The following CAMK1D variants were observed in gnomAD, a reference collection of about 807,000 sequenced individuals.
CAMK1D encodes calcium/calmodulin dependent protein kinase ID.
A neutral mutation model predicts 47.7 loss-of-function variants in CAMK1D; 9 were observed. The observed-to-expected ratio is 0.19, with a 90% CI of 0.11 to 0.33. CAMK1D has a LOEUF of 0.33. Among genes scored for constraint, CAMK1D ranks in the 10% least tolerant of loss-of-function variants. CAMK1D has a pLI of 1.00. For missense variants in CAMK1D, 291 were observed against 488.7 expected, an observed-to-expected ratio of 0.60 and a Z score of 3.81; for synonymous variants, 184 against 184.9, an observed-to-expected ratio of 0.99 and a Z score of 0.04.
intron 1 of CAMK1D, among the ~76,000 whole-genome samples, chr10:12,392,593 C>G (rs890495448): frequency 2.0e-4 from 30 of 152,102 alleles, no homozygotes; most frequent in Non-Finnish European, 1.0e-4. Flanking sequence ...TACGTATACA[C>G]TGTGGAATGA....
chr10:12,469,684 G>A (rs1833691908), intron 1 of CAMK1D, among the ~76,000 whole-genome samples: 2 of 152,150 alleles, frequency 1.3e-5, no homozygotes, highest in South Asian at 2.1e-4. Flanking sequence ...TATTTCATAA[G>A]CTTTTAAGAA....
intron 2 of CAMK1D, among the ~76,000 whole-genome samples, chr10:12,598,300 G>A (rs1371589640): frequency 6.6e-6 from 1 of 152,210 alleles, no homozygotes; most frequent in Admixed American, 6.5e-5. Context: ...CGTGCGATTA[G>A]GTGTGGGTTC....
chr10:12,515,197 A>T (rs181065083), intron 1 of CAMK1D, among the ~76,000 whole-genome samples: 1 of 151,852 alleles, frequency 6.6e-6, no homozygotes, highest in Non-Finnish European at 1.5e-5. Flanking sequence ...TTAAATTTAT[A>T]TGCAGTAAAA....
At chr10:12,506,900 T>C (rs1834894475) in intron 1 of CAMK1D, among the ~76,000 whole-genome samples, 1 of 152,190 alleles carries the variant, frequency 6.6e-6, no homozygotes, top group African/African-American at 2.4e-5. Flanking sequence ...ATCATGTCCT[T>C]AGTTCCTAGC....
At chr10:12,435,221 C>CAAAAAAAAAAA (rs910066372) in intron 1 of CAMK1D, among the ~76,000 whole-genome samples, 4 of 44,026 alleles carry the variant, frequency 9.1e-5, no homozygotes, top group Non-Finnish European at 8.2e-5. Context: ...AACTCTGTCT[C>CAAAAAAAAAAA]AAAAAAAAAA....
At chr10:12,744,572 A>G (rs1199629861) in intron 3 of CAMK1D, among the ~76,000 whole-genome samples, 1 of 152,116 alleles carries the variant, frequency 6.6e-6, no homozygotes. Context: ...TTTAAAAAAC[A>G]CACTGGCAAC....
intron 2 of CAMK1D, among the ~76,000 whole-genome samples, chr10:12,640,991 C>T (rs986169721): frequency 1.3e-5 from 2 of 152,198 alleles, no homozygotes; most frequent in South Asian, 4.1e-4. Flanking sequence ...CAGAATCCCA[C>T]CTTGTTGCCC....
chr10:12,365,882 G>A (rs941147985), intron 1 of CAMK1D, among the ~76,000 whole-genome samples: 17 of 152,108 alleles, frequency 1.1e-4, no homozygotes, highest in Non-Finnish European at 1.8e-4. Flanking sequence ...GTGAAACCCT[G>A]CCTCTACTAA....
At chr10:12,618,772 C>T (rs1365861752) in intron 2 of CAMK1D, among the ~76,000 whole-genome samples, 1 of 152,062 alleles carries the variant, frequency 6.6e-6, no homozygotes, top group African/African-American at 2.4e-5. Flanking sequence ...AAGAAGGCAA[C>T]AAAAAGAGAA....
intron 1 of CAMK1D, among the ~76,000 whole-genome samples, chr10:12,488,925 C>T (rs1834296735): frequency 6.6e-6 from 1 of 152,152 alleles, no homozygotes; most frequent in African/African-American, 2.4e-5. Context: ...TGCTGTGCAG[C>T]CTTTTATTTA....
At chr10:12,436,605 T>A (rs1832640365) in intron 1 of CAMK1D, among the ~76,000 whole-genome samples, 1 of 152,158 alleles carries the variant, frequency 6.6e-6, no homozygotes. Context: ...AGCCTGACAT[T>A]CTAATCTCAT....
chr10:12,452,180 C>A (rs1344393194), intron 1 of CAMK1D, among the ~76,000 whole-genome samples: 1 of 152,042 alleles, frequency 6.6e-6, no homozygotes, highest in African/African-American at 2.4e-5. Context: ...CGACAATGAC[C>A]TTTGTTCACA....
chr10:12,355,602 G>A (rs904421918), intron 1 of CAMK1D, among the ~76,000 whole-genome samples: 2 of 152,038 alleles, frequency 1.3e-5, no homozygotes, highest in Non-Finnish European at 2.9e-5. Flanking sequence ...TTGAGAGTCC[G>A]TGAGAAGCAT....
rs1356637548 is a variant in CAMK1D at position 12,693,990 on chromosome 10, C to T, written c.299+27180C>T. 5.7e-3 allele frequency among the ~76,000 whole-genome samples: 267 copies of T among 46,882 alleles called. 7 individuals carry two copies. Among genetic ancestry groups the T allele is most frequent in the Non-Finnish European group, 8.7e-3 (234 of 26,780 alleles). 30.8% of individuals were successfully genotyped at this position (46,882 alleles called of 152,430 possible). On this transcript the variant is annotated intron_variant, in intron 3 of 10. Transcript: ENST00000619168. ...AAATATATAATATATATTATATATA[C>T]ATATAATATATATAATATATATTAA...
At chr10:12,505,539 G>T (rs1280158540) in intron 1 of CAMK1D, among the ~76,000 whole-genome samples, 1 of 152,030 alleles carries the variant, frequency 6.6e-6, no homozygotes, top group Non-Finnish European at 1.5e-5. Context: ...TGGGCTGTTG[G>T]TCCATCCGGC....
chr10:12,532,074 G>T (rs567908550), intron 1 of CAMK1D, among the ~76,000 whole-genome samples: 43 of 152,280 alleles, frequency 2.8e-4, no homozygotes, highest in African/African-American at 9.9e-4. Context: ...CCAGTTGACA[G>T]CCCTCTCCCT....
chr10:12,726,774 A>G (rs750566175), intron 3 of CAMK1D, among the ~76,000 whole-genome samples: 16 of 152,248 alleles, frequency 1.1e-4, no homozygotes, highest in Non-Finnish European at 2.1e-4. Flanking sequence ...CAGGTTCTTG[A>G]GCCCACAACC....
At chr10:12,359,555 C>A (rs1837603723) in intron 1 of CAMK1D, among the ~76,000 whole-genome samples, 1 of 151,814 alleles carries the variant, frequency 6.6e-6, no homozygotes, top group African/African-American at 2.4e-5. Context: ...CCTCTCCCTG[C>A]ACCCTTAGCT....
intron 3 of CAMK1D, among the ~76,000 whole-genome samples, chr10:12,689,989 T>C (rs1832812618): frequency 6.6e-6 from 1 of 152,146 alleles, no homozygotes; most frequent in South Asian, 2.1e-4. Flanking sequence ...TGTACAGAGA[T>C]TGTCGGTGCT....
Sources: allele counts gnomAD v4.1 joint callset (sites outside exome capture counted in the v4.1 genomes callset), GRCh38; gene constraint gnomAD v4.1.1; transcripts MANE v1.5; gene names NCBI Gene and HGNC (gene_info 2026-07-23, HGNC 2026-07-21).